The following UBR3 variants were observed in gnomAD, a reference collection of about 807,000 sequenced individuals.
UBR3 encodes the protein ubiquitin protein ligase E3 component n-recognin 3.
Under a neutral mutation model 243.2 loss-of-function variants are expected in UBR3, and 85 were observed. The observed-to-expected ratio is 0.35, with a 90% CI of 0.29 to 0.42. The LOEUF (loss-of-function observed/expected upper bound fraction) is 0.42. UBR3 is among the 10% of genes least tolerant of loss of function. The probability of loss-of-function intolerance (pLI) is 1.00; values close to 1 mark genes in which losing one functional copy is unlikely to be tolerated. For missense variants in UBR3, 1,686 were observed against 2,300.8 expected (o/e 0.73, Z 5.47); for synonymous variants, 748 against 799.8 (o/e 0.94, Z 1.09).
At chr2:169,857,198 C>T (rs376135160) in intron 1 of UBR3, among the ~76,000 whole-genome samples, 80 of 148,828 alleles carry the variant, frequency 5.4e-4, no homozygotes, top group African/African-American at 3.5e-4. Context: ...CTCAGCTTCC[C>T]GAGTAGCTGG....
intron 23 of UBR3, among the ~76,000 whole-genome samples, chr2:169,954,237 A>ATTCAT (rs1257929787): frequency 8.6e-6 from 1 of 116,484 alleles, no homozygotes; most frequent in Non-Finnish European, 1.8e-5. Context: ...TCTCTTCTTA[A>ATTCAT]TTCATTTCTT....
chr2:169,914,603 G>T (rs181301461), intron 11 of UBR3, among the ~76,000 whole-genome samples: 3 of 152,290 alleles, frequency 2.0e-5, no homozygotes, highest in Admixed American at 2.0e-4. Context: ...TTAATAATGA[G>T]AAGAGCTGGC....
rs895525973 is a variant in UBR3 at position 169,843,902 on chromosome 2, G to A, written c.545+15850G>A. Among the ~76,000 whole-genome samples, 14 of 151,830 alleles carry A rather than the reference G, an allele frequency of 9.2e-5. 1 individual carries two copies. The highest frequency in any genetic ancestry group is 9.2e-4 in the Admixed American group (14 of 15,238). ...TTAAATATCTTGATAGAGTTTGTCC[G>A]TGAAACAATCTAGGTTTGGAATATT... On this transcript the variant is annotated intron_variant, in intron 1 of 38. Coordinates refer to ENST00000272793, the MANE Select transcript of UBR3 (RefSeq NM_172070.4).
intron 1 of UBR3, among the ~76,000 whole-genome samples, chr2:169,830,312 A>G (rs895983092): frequency 4.6e-5 from 7 of 152,136 alleles, no homozygotes; most frequent in African/African-American, 1.7e-4. Context: ...AAGGCTTAGT[A>G]CTAATTACTC....
chr2:170,056,033 ACTCT>A (rs79233013), intron 33 of UBR3, among the ~76,000 whole-genome samples: 36,045 of 123,104 alleles, frequency 0.29, 5,091 homozygotes, highest in South Asian at 0.42. Context: ...TTTGTGGCAG[ACTCT>A]CTGTCTGTCA....
intron 18 of UBR3, among the ~76,000 whole-genome samples, chr2:169,929,102 G>A (rs1315906747): frequency 2.0e-5 from 3 of 152,012 alleles, no homozygotes; most frequent in South Asian, 2.1e-4. Context: ...AACTATAAAG[G>A]AAATTTATAT....
chr2:169,841,888 C>G (rs889106937), intron 1 of UBR3, among the ~76,000 whole-genome samples: 1 of 152,224 alleles, frequency 6.6e-6, no homozygotes, highest in African/African-American at 2.4e-5. Flanking sequence ...GTGCCCAGTC[C>G]CGTCGACCAC....
intron 1 of UBR3, among the ~76,000 whole-genome samples, chr2:169,843,890 T>A (rs1230889068): frequency 6.6e-6 from 1 of 152,242 alleles, no homozygotes; most frequent in Non-Finnish European, 1.5e-5. Context: ...AATATCTTGA[T>A]AGAGTTTGTC....
At chr2:169,881,972 TTA>T (rs2083878167) in intron 5 of UBR3, among the ~76,000 whole-genome samples, 1 of 100,920 alleles carries the variant, frequency 9.9e-6, no homozygotes, top group Non-Finnish European at 2.1e-5. Context: ...ACATATGTAA[TTA>T]TATTATATAT....
At chr2:169,990,808 G>A (rs896154241) in intron 25 of UBR3, among the ~76,000 whole-genome samples, 1 of 151,688 alleles carries the variant, frequency 6.6e-6, no homozygotes, top group Non-Finnish European at 1.5e-5. Flanking sequence ...AATTACAGAA[G>A]AAGGCAGTAA....
chr2:170,012,090 T>C (rs911386741), intron 29 of UBR3, among the ~76,000 whole-genome samples: 6 of 152,242 alleles, frequency 3.9e-5, no homozygotes, highest in Admixed American at 2.6e-4. Flanking sequence ...TGGTGGGTAC[T>C]CAATAGAGTG....
chr2:170,032,502 C>T (rs1054427471), intron 31 of UBR3, among the ~76,000 whole-genome samples: 14 of 147,908 alleles, frequency 9.5e-5, no homozygotes, highest in Admixed American at 2.7e-4. Context: ...ATTATGCTTG[C>T]GTTTAGTTGC....
At chr2:169,923,496 T>C (rs974830586) in intron 11 of UBR3, among the ~76,000 whole-genome samples, 14 of 151,554 alleles carry the variant, frequency 9.2e-5, no homozygotes, top group Non-Finnish European at 1.9e-4. Flanking sequence ...CTTAGCATGG[T>C]GACTGGCACA....
At chr2:169,851,372 G>A (rs1415933456) in intron 1 of UBR3, among the ~76,000 whole-genome samples, 5 of 152,232 alleles carry the variant, frequency 3.3e-5, no homozygotes, top group Non-Finnish European at 4.4e-5. Context: ...CAAGTGATAC[G>A]CCTGCCTCAA....
chr2:169,997,198 C>A (rs1318756283), intron 26 of UBR3, among the ~76,000 whole-genome samples: 1 of 152,158 alleles, frequency 6.6e-6, no homozygotes, highest in African/African-American at 2.4e-5. Flanking sequence ...TAGGCAGAAA[C>A]CTCTGTGGCT....
intron 5 of UBR3, among the ~76,000 whole-genome samples, chr2:169,884,236 A>C (rs1446680273): frequency 1.3e-5 from 2 of 150,694 alleles, no homozygotes; most frequent in African/African-American, 4.9e-5. Context: ...GCTCACTGCA[A>C]GTTCTGCCTC....
chr2:169,913,681 T>C lies in UBR3; in HGVS notation c.1780-379T>C, dbSNP rs1268899453. ...ATTTACAGAGTTGTACAACTGTCGC[T>C]ACTATCCATGTCCAATACTTTTTTG... is the stretch of plus-strand genomic sequence containing the variant. On this transcript the variant is annotated intron_variant, in intron 10 of 38. Coordinates refer to ENST00000272793, the MANE Select transcript of UBR3 (RefSeq NM_172070.4). 2.0e-5 allele frequency among the ~76,000 whole-genome samples: 3 copies of C among 152,168 alleles called. No individual in the cohort carries two copies. In the East Asian group the frequency reaches 5.8e-4, roughly 29 times the overall value.
intron 24 of UBR3, among the ~76,000 whole-genome samples, chr2:169,983,408 G>A (rs996059978): frequency 4.6e-5 from 7 of 151,704 alleles, no homozygotes; most frequent in African/African-American, 1.7e-4. Context: ...TTACAGGCAC[G>A]CATCACCACA....
At position 169,950,029 on chromosome 2, in the gene UBR3, C is replaced by A; in HGVS notation, c.3509C>A (p.Thr1170Asn). ...CCTCCTGTACCACCTAAAAAAGTCA[C>A]TGCAGCAGAGAAGAAAACATTGGAC... is the stretch of plus-strand genomic sequence containing the variant. ...VTPPVPPKKV[T>N]AAEKKTLDKE... The change falls in exon 23 of 39, where the codon ACT becomes AAT. Residue 1170 changes from threonine (T) to asparagine (N), a missense_variant. Coordinates refer to ENST00000272793, the MANE Select transcript of UBR3 (RefSeq NM_172070.4). The A allele has an allele frequency of 6.3e-7, 1 of 1,579,646 alleles. No homozygotes were observed. Among genetic ancestry groups the A allele is most frequent in the Non-Finnish European group, 8.6e-7 (1 of 1,166,884 alleles).
Sources: gnomAD v4.1 joint callset for allele counts (sites outside exome capture counted in the v4.1 genomes callset) on GRCh38, gnomAD v4.1.1 for gene constraint, MANE v1.5 for transcripts, NCBI Gene and HGNC (gene_info 2026-07-23, HGNC 2026-07-21) for gene names.